Variants in CA5B observed in about 807,000 individuals in gnomAD.
CA5B encodes the protein carbonic anhydrase 5B.
In CA5B, 15 loss-of-function variants were observed where a neutral mutation model predicts 23.1. The ratio of observed to expected loss-of-function variants is 0.65; its 90% CI spans 0.43 to 1.00. CA5B has a LOEUF of 1.00. Among genes scored for constraint, CA5B ranks in the 50% least tolerant of loss-of-function variants. The probability of loss-of-function intolerance (pLI) is 0.00; values close to 1 mark genes in which losing one functional copy is unlikely to be tolerated. For synonymous variants in CA5B, 84 were observed against 98.5 expected, an observed-to-expected ratio of 0.85 and a Z score of 0.87; for missense variants, 236 against 252.2, an observed-to-expected ratio of 0.94 and a Z score of 0.43.
At chrX:15,743,473 G>C (rs1035818774) in intron 1 of CA5B, among the ~76,000 whole-genome samples, 1 of 111,897 alleles carries the variant, frequency 8.9e-6, no homozygotes, top group Non-Finnish European at 1.9e-5. Flanking sequence ...GTTCCCCAAT[G>C]AACCTAGAAC....
At chrX:15,743,443 A>T (rs1467034435) in intron 1 of CA5B, among the ~76,000 whole-genome samples, 1 of 112,230 alleles carries the variant, frequency 8.9e-6, no homozygotes. Context: ...TGAGCTCCAT[A>T]AGGGTAAGGG....
chrX:15,756,544 G>T (rs945952022), intron 2 of CA5B, among the ~76,000 whole-genome samples: 1 of 112,488 alleles, frequency 8.9e-6, no homozygotes, highest in Admixed American at 9.4e-5. Context: ...ATGTCATCAG[G>T]GAGATAAGAC....
chrX:15,744,219 C>T (rs1354555202), intron 1 of CA5B, among the ~76,000 whole-genome samples: 1 of 113,042 alleles, frequency 8.8e-6, no homozygotes, highest in Admixed American at 9.3e-5. Context: ...GACCATGGCC[C>T]TGGCCGTCAG....
intron 2 of CA5B, among the ~76,000 whole-genome samples, chrX:15,755,225 C>T (rs1931463502): frequency 8.9e-6 from 1 of 111,993 alleles, no homozygotes; most frequent in Admixed American, 9.5e-5. Flanking sequence ...CTTAGAATTG[C>T]ATTAATGGCC....
intron 3 of CA5B, chrX:15,765,171 A>C (rs1203646717): frequency 8.4e-6 from 1 of 119,549 alleles, no homozygotes; most frequent in Non-Finnish European, 1.7e-5. Flanking sequence ...ATCAGAGTTA[A>C]CTTAGCAGAT....
At chrX:15,773,965 A>G (rs907062860) in intron 4 of CA5B, among the ~76,000 whole-genome samples, 4 of 112,424 alleles carry the variant, frequency 3.6e-5, no homozygotes, top group African/African-American at 9.7e-5. Context: ...TCTCTCCTGT[A>G]GATGCAAGTG....
Position 15,782,655 on chromosome X carries a change from A to T in CA5B, c.945A>T (p.Ala315=). The T allele has an allele frequency of 8.4e-7, 1 of 1,183,818 alleles. No individual in the cohort carries two copies. Among genetic ancestry groups the T allele is most frequent in the Non-Finnish European group, 1.1e-6 (1 of 881,922 alleles). ...QAKPKPATSQ[A]TP is the part of the protein sequence containing the mutation. ...AACCCAAGCCGGCCACCAGCCAAGC[A>T]ACCCCCTAAAACATTCATATCTAGG... is the stretch of plus-strand genomic sequence containing the variant. Residue 315 remains alanine, a synonymous_variant, in exon 8 of 8, where the codon GCA becomes GCT. Transcript: ENST00000318636.
At chrX:15,773,181 C>T (rs982616559) in intron 4 of CA5B, among the ~76,000 whole-genome samples, 5 of 111,076 alleles carry the variant, frequency 4.5e-5, no homozygotes, top group African/African-American at 1.6e-4. Context: ...CTTCTTACAA[C>T]TTTTTTCCTA....
rs1387946692 is a variant in CA5B, at chrX:15,786,031, C to T, written c.*3367C>T. 2 of 111,059 alleles carry T rather than the reference C, an allele frequency of 1.8e-5. No homozygotes were observed. The highest frequency in any genetic ancestry group is 4.6e-3 in the Middle Eastern group (1 of 216). The allele number at this position is 111,059 out of a possible 1,213,427, so 9.2% of individuals were successfully genotyped here. On this transcript the variant is annotated 3_prime_UTR_variant, in exon 8 of 8. Coordinates refer to ENST00000318636, the MANE Select transcript of CA5B (RefSeq NM_007220.4). ...GACTACAGGCGCCCGCCACCACACC[C>T]GGCTATTTTTTGTATTTTAAGTAGA... is the stretch of plus-strand genomic sequence containing the variant.
At chrX:15,752,461 T>G (rs142330280) in intron 2 of CA5B, among the ~76,000 whole-genome samples, 19 of 112,189 alleles carry the variant, frequency 1.7e-4, no homozygotes, top group Non-Finnish European at 3.2e-4. Flanking sequence ...CGCGATGGCT[T>G]ACGCCTGTAA....
At chrX:15,770,745 C>G (rs1931801131) in intron 3 of CA5B, among the ~76,000 whole-genome samples, 1 of 108,980 alleles carries the variant, frequency 9.2e-6, no homozygotes, top group Non-Finnish European at 1.9e-5. Context: ...TTCTTTCTTT[C>G]CTTTCCTTTT....
intron 2 of CA5B, chrX:15,750,541 CT>C (rs1189350571): frequency 3.8e-3 from 441 of 115,845 alleles, no homozygotes; most frequent in Middle Eastern, 0.012. Context: ...TAGCAATTGT[CT>C]TTTTTTTTTT....
At chrX:15,747,234 G>A (rs1364356552) in intron 1 of CA5B, among the ~76,000 whole-genome samples, 3 of 111,845 alleles carry the variant, frequency 2.7e-5, no homozygotes, top group Non-Finnish European at 5.6e-5. Flanking sequence ...TTGCAAAGGC[G>A]GTTTCAGCAT....
intron 6 of CA5B, chrX:15,775,729 G>A: frequency 1.3e-6 from 1 of 755,216 alleles, no homozygotes; most frequent in Non-Finnish European, 1.6e-6. Flanking sequence ...CCTTTGTCCA[G>A]TCCCCCAATA....
chrX:15,758,998 C>T (rs1478263992), intron 2 of CA5B, among the ~76,000 whole-genome samples: 2 of 111,468 alleles, frequency 1.8e-5, no homozygotes, highest in Non-Finnish European at 3.8e-5. Context: ...AAAGAAAAAT[C>T]GGAGTGCTAT....
At chrX:15,761,819 AAAATGTC>A (rs1931608193) in intron 2 of CA5B, among the ~76,000 whole-genome samples, 1 of 111,667 alleles carries the variant, frequency 9.0e-6, no homozygotes, top group Admixed American at 9.5e-5. Context: ...TTGCCATCTG[AAAATGTC>A]TCCAGACATT....
At chrX:15,782,078 T>G (rs760111946) in intron 7 of CA5B, among the ~76,000 whole-genome samples, 9 of 112,766 alleles carry the variant, frequency 8.0e-5, no homozygotes, top group South Asian at 7.3e-4. Flanking sequence ...TTTTTTGGTG[T>G]TGTTAGTATA....
rs747096843 is a variant in CA5B, at chrX:15,741,813, G to A, written c.-54+3461G>A. On this transcript the variant is annotated intron_variant, in intron 1 of 7. Coordinates refer to ENST00000318636, the MANE Select transcript of CA5B (RefSeq NM_007220.4). ...TTTTTCTGTACAGGGATTCATCCTC[G>A]TCTTACTGCTAGCATCACTCCAGCC... Among the ~76,000 whole-genome samples, 4 of 111,273 alleles carry A rather than the reference G, an allele frequency of 3.6e-5. No homozygotes were observed. In the East Asian group the frequency reaches 8.5e-4, roughly 24 times the overall value.
chrX:15,750,490 G>A (rs1408901268), intron 2 of CA5B: 2 of 168,475 alleles, frequency 1.2e-5, no homozygotes, highest in African/African-American at 3.0e-5. Context: ...GACAGATCCC[G>A]GTTTTTAATA....
Sources: allele counts gnomAD v4.1 joint callset (sites outside exome capture counted in the v4.1 genomes callset), GRCh38; gene constraint gnomAD v4.1.1; transcripts MANE v1.5; gene names NCBI Gene and HGNC (gene_info 2026-07-23, HGNC 2026-07-21).